RANBP2: variants seen among roughly 807,000 people sequenced by gnomAD.
RANBP2 encodes E3 SUMO-protein ligase RanBP2.
RANBP2 carries 57 observed loss-of-function variants against 303.6 expected under a neutral mutation model. The ratio of observed to expected loss-of-function variants is 0.19; its 90% CI spans 0.15 to 0.23. The LOEUF is 0.23. Ranked by LOEUF, RANBP2 falls within the 10% of genes least tolerant of loss-of-function variation. RANBP2 has a pLI of 1.00. For synonymous variants in RANBP2, 1,167 were observed against 1,301.5 expected (o/e 0.90, Z 2.23); for missense variants, 3,138 against 3,780.8 (o/e 0.83, Z 4.46).
At chr2:109,095,316 C>T in the RANBP2 span, among the ~76,000 whole-genome samples, 1 of 152,100 alleles carries the variant, frequency 6.6e-6, no homozygotes, top group African/African-American at 2.4e-5. Context: ...AACATATAAT[C>T]GAGACTACTG....
Position 108,782,244 on chromosome 2 carries a change from G to T in RANBP2, c.8877G>T (p.Lys2959Asn). Residue 2959 changes from lysine to asparagine, a missense_variant, in exon 27 of 29, where the codon AAG (lysine) becomes AAT (asparagine). Around this residue, in one of 20 missense-constraint regions of RANBP2, gnomAD observed 68 missense variants for 117.4 expected, o/e 0.58. Coordinates refer to ENST00000283195, the MANE Select transcript of RANBP2 (RefSeq NM_006267.5). Reference sequence around the variant, plus strand: ...AGGAGCGCGGTGTTGGAGATATAAAGATTCTTTGGCATACAATGAAGAATT... The same window carrying T: ...AGGAGCGCGGTGTTGGAGATATAAATATTCTTTGGCATACAATGAAGAATT... The part of the protein sequence containing the change: ...QWKERGVGDI[K>N]ILWHTMKNYY... The T allele has an allele frequency of 1.9e-6, 3 of 1,614,164 alleles. No homozygotes were observed. Among genetic ancestry groups the T allele is most frequent in the Non-Finnish European group, 2.5e-6 (3 of 1,180,024 alleles).
chr2:109,204,770 C>T, the RANBP2 span, among the ~76,000 whole-genome samples: 1 of 152,226 alleles, frequency 6.6e-6, no homozygotes, highest in East Asian at 1.9e-4. Context: ...AAATGTCCTG[C>T]ATTCTAGATT....
the RANBP2 span, among the ~76,000 whole-genome samples, chr2:109,095,565 C>T: frequency 1.1e-4 from 17 of 152,212 alleles, no homozygotes; most frequent in African/African-American, 2.2e-4. Context: ...ACTTGAGCAA[C>T]GGTTGAGCAA....
the RANBP2 span, among the ~76,000 whole-genome samples, chr2:109,194,848 A>T: frequency 6.6e-6 from 1 of 152,188 alleles, no homozygotes; most frequent in East Asian, 1.9e-4. Context: ...GACATGCCAT[A>T]TAGAGAACCC....
At chr2:109,524,981 C>T in the RANBP2 span, among the ~76,000 whole-genome samples, 5 of 151,924 alleles carry the variant, frequency 3.3e-5, no homozygotes, top group Admixed American at 6.6e-5. Flanking sequence ...CATCCGTCCT[C>T]TGCATCTTCA....
chr2:109,544,908 G>A, the RANBP2 span: 10 of 952,266 alleles, frequency 1.1e-5, no homozygotes, highest in South Asian at 2.4e-4. Flanking sequence ...TCATACATGA[G>A]AATTCCTTCC....
chr2:108,794,655 G>C, the RANBP2 span: 16 of 1,614,116 alleles, frequency 9.9e-6, no homozygotes, highest in Non-Finnish European at 1.3e-5. Context: ...CAGACAAGCG[G>C]AGTTTACTTC....
chr2:109,606,672 C>CT, the RANBP2 span, among the ~76,000 whole-genome samples: 666 of 71,868 alleles, frequency 9.3e-3, 21 homozygotes, highest in East Asian at 0.022. Context: ...AAATTTTAAG[C>CT]TTTTTTTTTT....
the RANBP2 span, among the ~76,000 whole-genome samples, chr2:108,852,847 A>T: frequency 6.6e-6 from 1 of 152,170 alleles, no homozygotes; most frequent in African/African-American, 2.4e-5. Context: ...CTCCTATGAC[A>T]CAAGTGTACC....
At chr2:109,218,054 C>T in the RANBP2 span, among the ~76,000 whole-genome samples, 1 of 152,088 alleles carries the variant, frequency 6.6e-6, no homozygotes, top group African/African-American at 2.4e-5. Flanking sequence ...TGGCAGACAG[C>T]TGCGGGGAGG....
At chr2:109,714,453 C>A in the RANBP2 span, among the ~76,000 whole-genome samples, 2 of 151,408 alleles carry the variant, frequency 1.3e-5, no homozygotes, top group Non-Finnish European at 2.9e-5. Flanking sequence ...AGGCATGCAC[C>A]ACCACGCCTG....
At chr2:109,468,723 G>C in the RANBP2 span, among the ~76,000 whole-genome samples, 1 of 151,500 alleles carries the variant, frequency 6.6e-6, no homozygotes, top group Non-Finnish European at 1.5e-5. Flanking sequence ...GCATGGTGGC[G>C]GGCACCTGTA....
At chr2:109,088,320 C>T in the RANBP2 span, among the ~76,000 whole-genome samples, 1 of 149,104 alleles carries the variant, frequency 6.7e-6, no homozygotes, top group Admixed American at 6.7e-5. Context: ...TCGCTTGAAC[C>T]CGGGAGGCGG....
At chr2:109,496,474 T>G in the RANBP2 span, among the ~76,000 whole-genome samples, 38,691 of 152,080 alleles carry the variant, frequency 0.25, 5,262 homozygotes, top group East Asian at 0.5. Flanking sequence ...TGGCTTCACC[T>G]TTCACTATGA....
At chr2:108,729,498 T>C (rs60702530) in intron 2 of RANBP2, among the ~76,000 whole-genome samples, 14,374 of 152,240 alleles carry the variant, frequency 0.094, 2,277 homozygotes, top group African/African-American at 0.32. Context: ...TATATCTTAA[T>C]TTGTTTTTGG....
At chr2:109,101,911 C>T in the RANBP2 span, among the ~76,000 whole-genome samples, 1 of 152,094 alleles carries the variant, frequency 6.6e-6, no homozygotes, top group Non-Finnish European at 1.5e-5. Context: ...GGCTGGAAGC[C>T]TGAGCAACCT....
the RANBP2 span, among the ~76,000 whole-genome samples, chr2:109,250,116 A>G: frequency 1.4e-5 from 2 of 146,764 alleles, no homozygotes; most frequent in Non-Finnish European, 3.0e-5. Flanking sequence ...GTCTAATTAG[A>G]ATTCTTGTTT....
At chr2:108,808,723 T>C in the RANBP2 span, among the ~76,000 whole-genome samples, 1 of 152,174 alleles carries the variant, frequency 6.6e-6, no homozygotes, top group Admixed American at 6.5e-5. Context: ...TTTTTGCTGT[T>C]GAGTTCCTTG....
At position 108,768,128 on chromosome 2, in the gene RANBP2, C is replaced by T. The variant is rs1573822234; in HGVS notation, c.7589C>T (p.Ser2530Leu). ...SVKSIFSSEK[S>L]KPFAFGNSSA... The stretch of plus-strand genomic sequence containing the variant: ...AAAAGCATTTTTAGTAGTGAAAAAT[C>T]AAAACCATTTGCATTCGGCAACAGT... The change falls in exon 20 of 29, where the codon TCA (serine) becomes TTA (leucine). Residue 2530 changes from serine (S) to leucine (L), a missense_variant. Physicochemically the swap from Ser to Leu is moderately radical, Grantham distance 145. Transcript: ENST00000283195. 6.2e-7 allele frequency: 1 copy of T among 1,611,880 alleles called. No individual in the cohort carries two copies. The highest frequency in any genetic ancestry group is 1.3e-5 in the African/African-American group (1 of 74,842).
Sources: allele counts gnomAD v4.1 joint callset (sites outside exome capture counted in the v4.1 genomes callset), GRCh38; gene constraint gnomAD v4.1.1; regional missense constraint gnomAD v4.1.1; transcripts MANE v1.5; gene names NCBI Gene and HGNC (gene_info 2026-07-23, HGNC 2026-07-21).